Variants in CACNA2D1 observed in about 807,000 individuals in gnomAD.
CACNA2D1 encodes voltage-dependent calcium channel subunit alpha-2/delta-1.
CACNA2D1 carries 53 observed loss-of-function variants against 171.5 expected under a neutral mutation model. The observed-to-expected ratio is 0.31, with a 90% CI of 0.25 to 0.39. CACNA2D1 has a LOEUF of 0.39. CACNA2D1 is among the 10% of genes least tolerant of loss of function. The pLI, the probability that CACNA2D1 is intolerant of heterozygous loss-of-function variation, is 1.00. For synonymous variants in CACNA2D1, 442 were observed against 443.1 expected, an observed-to-expected ratio of 1.00 and a Z score of 0.03; for missense variants, 903 against 1,299.8, an observed-to-expected ratio of 0.69 and a Z score of 4.69.
chr7:82,005,539 C>A lies in CACNA2D1; in HGVS notation c.1516-42G>T. The A allele has an allele frequency of 2.4e-6, 3 of 1,258,926 alleles. No individual in the cohort carries two copies. The South Asian group carries it at 3.9e-5, about 16-fold the overall frequency. The allele number at this position is 1,258,926 out of a possible 1,614,324, so 78.0% of individuals were successfully genotyped here. ...AAAAAAAGCTTGGATATGCCTGAGT[C>A]ACAATTAGAAATCTATATTCTTTTA... is the stretch of plus-strand genomic sequence containing the variant. On this transcript the variant is annotated intron_variant, in intron 17 of 38. Transcript: ENST00000356860.
At chr7:82,355,549 T>C (rs1820324118) in intron 1 of CACNA2D1, among the ~76,000 whole-genome samples, 1 of 151,918 alleles carries the variant, frequency 6.6e-6, no homozygotes, top group African/African-American at 2.4e-5. Flanking sequence ...AGCTCCAGAG[T>C]TTCCGTATGC....
intron 3 of CACNA2D1, 102 bp from the exon 4 acceptor site, chr7:82,170,711 G>A (rs1009766885): frequency 5.0e-6 from 5 of 994,826 alleles, no homozygotes; most frequent in Non-Finnish European, 8.0e-6. Flanking sequence ...GACATAAAAA[G>A]CAGAAGATGA....
intron 3 of CACNA2D1, among the ~76,000 whole-genome samples, chr7:82,290,471 T>C (rs546219501): frequency 6.6e-6 from 1 of 152,056 alleles, no homozygotes; most frequent in Admixed American, 6.6e-5. Context: ...GCAATATAAA[T>C]TCATTTCCAA....
At chr7:82,397,750 GT>G (rs1187145608) in intron 1 of CACNA2D1, among the ~76,000 whole-genome samples, 12 of 152,068 alleles carry the variant, frequency 7.9e-5, no homozygotes, top group Non-Finnish European at 1.6e-4. Context: ...TTTAATCATC[GT>G]TACCATGCTC....
intron 4 of CACNA2D1, among the ~76,000 whole-genome samples, chr7:82,155,956 A>G (rs918782584): frequency 6.6e-6 from 1 of 152,174 alleles, no homozygotes; most frequent in African/African-American, 2.4e-5. Flanking sequence ...GATACTTTTA[A>G]TAGTCACACA....
At chr7:82,037,642 G>A (rs1803465818) in intron 11 of CACNA2D1, among the ~76,000 whole-genome samples, 1 of 152,058 alleles carries the variant, frequency 6.6e-6, no homozygotes, top group South Asian at 2.1e-4. Context: ...GGAACTTTCT[G>A]TACATTTTAG....
At chr7:82,135,150 GC>G (rs1791457238) in intron 5 of CACNA2D1, among the ~76,000 whole-genome samples, 2 of 152,008 alleles carry the variant, frequency 1.3e-5, no homozygotes, top group Admixed American at 6.6e-5. Context: ...TTGGAGGATT[GC>G]ACGTCAATGC....
chr7:82,093,090 T>C (rs1811420375), intron 6 of CACNA2D1, among the ~76,000 whole-genome samples: 1 of 152,164 alleles, frequency 6.6e-6, no homozygotes, highest in African/African-American at 2.4e-5. Flanking sequence ...CATGTGAATG[T>C]ATGTAATGTG....
At chr7:82,078,057 G>T (rs1193350218) in intron 7 of CACNA2D1, among the ~76,000 whole-genome samples, 1 of 151,992 alleles carries the variant, frequency 6.6e-6, no homozygotes, top group Non-Finnish European at 1.5e-5. Flanking sequence ...AGATTCTTTT[G>T]CATTTTATTC....
At chr7:82,159,513 A>G (rs970033409) in intron 4 of CACNA2D1, among the ~76,000 whole-genome samples, 1 of 151,870 alleles carries the variant, frequency 6.6e-6, no homozygotes, top group African/African-American at 2.4e-5. Context: ...AAAGAAGAAA[A>G]ACTAACCAAA....
chr7:81,992,717 AT>A (rs1249442411), intron 20 of CACNA2D1, among the ~76,000 whole-genome samples: 1 of 152,172 alleles, frequency 6.6e-6, no homozygotes, highest in African/African-American at 2.4e-5. Flanking sequence ...CAAACGGACA[AT>A]TTTAAACATT....
chr7:82,400,458 G>A (rs918954216), intron 1 of CACNA2D1, among the ~76,000 whole-genome samples: 3 of 152,210 alleles, frequency 2.0e-5, no homozygotes, highest in South Asian at 2.1e-4. Context: ...ATGGGGAAAC[G>A]ATTCCCTATT....
intron 6 of CACNA2D1, among the ~76,000 whole-genome samples, chr7:82,091,622 G>A (rs1056769267): frequency 4.6e-5 from 7 of 152,188 alleles, no homozygotes; most frequent in African/African-American, 1.7e-4. Context: ...CTAATTGAAT[G>A]ATTTAATGTC....
intron 3 of CACNA2D1, among the ~76,000 whole-genome samples, chr7:82,238,855 G>C (rs1199193250): frequency 6.6e-6 from 1 of 152,042 alleles, no homozygotes; most frequent in Non-Finnish European, 1.5e-5. Context: ...CTTGCAAATA[G>C]ACTAGATATT....
At chr7:82,037,434 G>A (rs771748570) in intron 11 of CACNA2D1, among the ~76,000 whole-genome samples, 2 of 151,990 alleles carry the variant, frequency 1.3e-5, no homozygotes, top group Non-Finnish European at 2.9e-5. Flanking sequence ...AGCCAAGATC[G>A]TGCCACTGCA....
At chr7:82,014,718 A>T (rs919928969) in intron 12 of CACNA2D1, among the ~76,000 whole-genome samples, 1 of 152,152 alleles carries the variant, frequency 6.6e-6, no homozygotes, top group African/African-American at 2.4e-5. Context: ...GCATATTCCA[A>T]TCCTCAGGCA....
intron 6 of CACNA2D1, among the ~76,000 whole-genome samples, chr7:82,098,281 T>C (rs1318843802): frequency 6.6e-6 from 1 of 152,202 alleles, no homozygotes; most frequent in East Asian, 1.9e-4. Flanking sequence ...TTGTTTTCAT[T>C]TAACTAAAAT....
At chr7:82,040,617 G>A (rs1803838865) in intron 10 of CACNA2D1, among the ~76,000 whole-genome samples, 1 of 152,064 alleles carries the variant, frequency 6.6e-6, no homozygotes, top group Non-Finnish European at 1.5e-5. Flanking sequence ...GGACTGTTTT[G>A]GATGAGAGAA....
At chr7:82,058,201 T>C (rs1318728177) in intron 10 of CACNA2D1, among the ~76,000 whole-genome samples, 2 of 152,182 alleles carry the variant, frequency 1.3e-5, no homozygotes, top group African/African-American at 2.4e-5. Flanking sequence ...GATTCTGTCA[T>C]TGTTTCCTTC....
Sources: gnomAD v4.1 joint callset for allele counts (sites outside exome capture counted in the v4.1 genomes callset) on GRCh38, gnomAD v4.1.1 for gene constraint, MANE v1.5 for transcripts, NCBI Gene and HGNC (gene_info 2026-07-23, HGNC 2026-07-21) for gene names.